Variants in NOTCH2NLB observed in about 807,000 individuals in gnomAD.
The protein encoded by NOTCH2NLB is notch 2 N-terminal like B.
Under a neutral mutation model 14.8 loss-of-function variants are expected in NOTCH2NLB, and 1 was observed. The observed-to-expected ratio is 0.07, with a 90% CI of 0.02 to 0.32. The LOEUF is 0.32. Ranked by LOEUF, NOTCH2NLB falls within the 10% of genes least tolerant of loss-of-function variation. The probability of loss-of-function intolerance (pLI) is 1.00; values close to 1 mark genes in which losing one functional copy is unlikely to be tolerated. For synonymous variants in NOTCH2NLB, 6 were observed against 57.5 expected (o/e 0.10, Z 4.05); for missense variants, 11 against 155.0 (o/e 0.07, Z 4.93).
intron 1 of NOTCH2NLB, among the ~76,000 whole-genome samples, chr1:148,651,165 AT>A (rs1664502767): frequency 0.015 from 555 of 38,130 alleles, no homozygotes; most frequent in African/African-American, 0.038. Context: ...AAAAAAAAAT[AT>A]ATATATATAT....
At chr1:148,682,577 G>A (rs1332603196), upstream of NOTCH2NLB, among the ~76,000 whole-genome samples, 4 of 44,968 alleles carry the variant, frequency 8.9e-5, no homozygotes, top group Admixed American at 1.9e-4. Context: ...GTGAAACTCC[G>A]TCTCAAAAAA....
At chr1:148,633,073 G>A (rs2149612930) in intron 2 of NOTCH2NLB, among the ~76,000 whole-genome samples, 1 of 122,718 alleles carries the variant, frequency 8.1e-6, no homozygotes, top group South Asian at 2.8e-4. Context: ...TTTAAATTTA[G>A]AAATTACATA....
rs1156575606 is a variant in NOTCH2NLB, at chr1:148,670,539, AAT to A, written c.3+8921_3+8922del. ...GATCTGTTCATAAACTAAAAAAAAA[AAT>A]ATATATATATACATATATATATATA... On this transcript the variant is annotated intron_variant, in intron 1 of 4. Transcript: ENST00000593495. 2.1e-3 allele frequency among the ~76,000 whole-genome samples: 198 copies of A among 93,458 alleles called. 5 individuals are homozygous for A. Among genetic ancestry groups the A allele is most frequent in the African/African-American group, 5.7e-3 (133 of 23,236 alleles). 61.3% of individuals were successfully genotyped at this position (93,458 alleles called of 152,430 possible).
At chr1:148,645,693 C>G (rs1664353069) in intron 1 of NOTCH2NLB, among the ~76,000 whole-genome samples, 1 of 149,584 alleles carries the variant, frequency 6.7e-6, no homozygotes, top group African/African-American at 2.5e-5. Flanking sequence ...CCCATTCCTT[C>G]AAGGCCCAGT....
At chr1:148,700,034 C>T in the NOTCH2NLB span, among the ~76,000 whole-genome samples, 14 of 90,538 alleles carry the variant, frequency 1.5e-4, 5 homozygotes, top group Admixed American at 2.3e-4. Flanking sequence ...CCTCCCCTCA[C>T]ACCCTGCTCT....
At chr1:148,674,808 T>C (rs1234187485) in intron 1 of NOTCH2NLB, among the ~76,000 whole-genome samples, 3 of 144,828 alleles carry the variant, frequency 2.1e-5, no homozygotes, top group Middle Eastern at 3.5e-3. Context: ...TTATTCATCA[T>C]ATTTCACCTT....
chr1:148,679,816 A>C (rs1348465636), upstream of NOTCH2NLB: 7 of 270,044 alleles, frequency 2.6e-5, no homozygotes, highest in African/African-American at 1.6e-4. Context: ...CTCCCACCGC[A>C]AGCCCCGCCC....
Position 148,625,716 on chromosome 1 carries a change from CGTT to C in NOTCH2NLB, c.78-9769_78-9767del, listed in dbSNP as rs1558384238. Among the ~76,000 whole-genome samples, 27 of 111,956 alleles carry C rather than the reference CGTT, an allele frequency of 2.4e-4. 6 individuals are homozygous for C. The allele number at this position is 111,956 out of a possible 152,430, so 73.4% of individuals were successfully genotyped here. A position where few individuals can be genotyped will look rare whatever the true frequency, so the allele number is the denominator to read the frequency against. Reference sequence around the variant, plus strand: ...GCTGAGCTCTAGAGGGGGGAGCTGTCGTTAAGGTAAATGAGGTAAGGGCAGGGG... The same window carrying C: ...GCTGAGCTCTAGAGGGGGGAGCTGTCAAGGTAAATGAGGTAAGGGCAGGGG... On this transcript the variant is annotated intron_variant, in intron 2 of 4. Coordinates refer to ENST00000593495, the Ensembl canonical transcript of NOTCH2NLB.
intron 1 of NOTCH2NLB, among the ~76,000 whole-genome samples, chr1:148,661,362 ACG>A (rs1664679417): frequency 1.3e-5 from 2 of 150,024 alleles, no homozygotes; most frequent in Admixed American, 6.7e-5. Flanking sequence ...ACACACACAC[ACG>A]CACACACACA....
intron 1 of NOTCH2NLB, among the ~76,000 whole-genome samples, chr1:148,670,577 T>TATATAA (rs1664756918): frequency 1.9e-4 from 25 of 133,854 alleles, no homozygotes; most frequent in Non-Finnish European, 1.8e-4. Flanking sequence ...TATATATATA[T>TATATAA]AAATAAATCA....
intron 1 of NOTCH2NLB, among the ~76,000 whole-genome samples, chr1:148,645,672 T>C (rs1467549071): frequency 6.7e-6 from 1 of 148,628 alleles, no homozygotes; most frequent in Non-Finnish European, 1.5e-5. Context: ...CTCATTACTA[T>C]CTAAATTCTA....
chr1:148,637,067 C>CT (rs1244676926), intron 2 of NOTCH2NLB, among the ~76,000 whole-genome samples: 3,089 of 79,706 alleles, frequency 0.039, 117 homozygotes, highest in Non-Finnish European at 0.049. Context: ...GCTCCATTTT[C>CT]TTTTTTTTTT....
chr1:148,625,365 G>C (rs1235651387), intron 2 of NOTCH2NLB, among the ~76,000 whole-genome samples: 2 of 84,912 alleles, frequency 2.4e-5, no homozygotes, highest in African/African-American at 1.1e-4. Context: ...TTTTTAAAAC[G>C]AGGATTTGGC....
At position 148,638,088 on chromosome 1, in the gene NOTCH2NLB, A is replaced by G. The variant is rs1309329465; in HGVS notation, c.77+1928T>C. ...GTGTCCTTATAGCAGAATGATTTAT[A>G]ATCCTTTGGGTATATACTCAGTAAT... On this transcript the variant is annotated intron_variant, in intron 2 of 4. Coordinates refer to ENST00000593495, the Ensembl canonical transcript of NOTCH2NLB. Among the ~76,000 whole-genome samples, 2 of 148,982 alleles carry G rather than the reference A, an allele frequency of 1.3e-5. 1 individual carries two copies. Among genetic ancestry groups the G allele is most frequent in the Non-Finnish European group, 3.0e-5 (2 of 67,206 alleles).
chr1:148,693,092 C>T, the NOTCH2NLB span, among the ~76,000 whole-genome samples: 63 of 108,382 alleles, frequency 5.8e-4, 7 homozygotes, highest in African/African-American at 3.2e-3. Context: ...AGAGCCGCCC[C>T]CCCCCCCCCA....
the NOTCH2NLB span, among the ~76,000 whole-genome samples, chr1:148,601,194 G>C: frequency 2.7e-5 from 4 of 150,088 alleles, no homozygotes; most frequent in Non-Finnish European, 4.4e-5. Context: ...TACAAACTTA[G>C]GTCAAAAGTT....
At chr1:148,679,801 G>A (rs1294289719), upstream of NOTCH2NLB, 59 of 341,894 alleles carry the variant, frequency 1.7e-4, 10 homozygotes, top group South Asian at 3.9e-4. Flanking sequence ...CGCCTCAGCC[G>A]CCTCCTCCCA....
chr1:148,625,647 A>C lies in NOTCH2NLB; in HGVS notation c.78-9697T>G, dbSNP rs1344124091. On this transcript the variant is annotated intron_variant, in intron 2 of 4. Transcript: ENST00000593495. Reference sequence around the variant, plus strand: ...TGCTTTCAACCCACTTTCTTCTTGCACTGGGCCTCTTGGCCCCCCAATCCG... The same window carrying C: ...TGCTTTCAACCCACTTTCTTCTTGCCCTGGGCCTCTTGGCCCCCCAATCCG... Among the ~76,000 whole-genome samples, 464 of 119,982 alleles carry C rather than the reference A, an allele frequency of 3.9e-3. 116 individuals carry two copies. Among genetic ancestry groups the C allele is most frequent in the African/African-American group, 0.016 (426 of 26,966 alleles). The allele number at this position is 119,982 out of a possible 152,430, so 78.7% of individuals were successfully genotyped here.
upstream of NOTCH2NLB, among the ~76,000 whole-genome samples, chr1:148,680,084 CGGGATCGTGAACTTGCA>C (rs1664912027): frequency 4.9e-5 from 1 of 20,386 alleles, no homozygotes; most frequent in Non-Finnish European, 1.1e-4. Flanking sequence ...TGGAGTTTGC[CGGGATCGTGAACTTGCA>C]GGGAGAGGCG....
Sources: gnomAD v4.1 joint callset for allele counts (sites outside exome capture counted in the v4.1 genomes callset) on GRCh38, gnomAD v4.1.1 for gene constraint, MANE v1.5 for transcripts, NCBI Gene and HGNC (gene_info 2026-07-23, HGNC 2026-07-21) for gene names.